Variants in NDUFA10 observed in about 807,000 individuals in gnomAD.
NDUFA10 encodes the protein NADH dehydrogenase [ubiquinone] 1 alpha subcomplex subunit 10, mitochondrial.
A neutral mutation model predicts 47.8 loss-of-function variants in NDUFA10; 40 were observed. That is an observed-to-expected ratio of 0.84 (90% CI 0.65 to 1.09). The LOEUF (loss-of-function observed/expected upper bound fraction) is 1.09, where lower values mean the gene tolerates loss of function less well. Among genes scored for constraint, NDUFA10 ranks in the 50% least tolerant of loss-of-function variants. The probability of loss-of-function intolerance (pLI) is 0.00; values close to 1 mark genes in which losing one functional copy is unlikely to be tolerated. For synonymous variants in NDUFA10, 183 were observed against 172.2 expected, an observed-to-expected ratio of 1.06 and a Z score of -0.49; for missense variants, 413 against 451.1, an observed-to-expected ratio of 0.92 and a Z score of 0.76.
In NDUFA10 at chr2:240,016,478, C is replaced by G. The variant is rs77231242; in HGVS notation, c.548-1618G>C. Among the ~76,000 whole-genome samples, 1 of 152,306 alleles carries G rather than the reference C, an allele frequency of 6.6e-6. No homozygotes were observed. The highest frequency in any genetic ancestry group is 1.5e-5 in the Non-Finnish European group (1 of 68,024). On this transcript the variant is annotated intron_variant, in intron 4 of 9. Coordinates refer to ENST00000252711, the MANE Select transcript of NDUFA10 (RefSeq NM_004544.4). This position sits in a 1 kb window ranked among gnomAD's most constrained non-coding sequence, Gnocchi z 4.4. ...TTTAGCCAACATGATCTGCTTTCCC[C>G]CAGCCCAGCACTCAAACGACTCTGG...
At chr2:239,899,036 A>C (rs151237464) in intron 4 of NDUFA10, among the ~76,000 whole-genome samples, 12 of 51,072 alleles carry the variant, frequency 2.3e-4, no homozygotes, top group South Asian at 9.8e-4. Context: ...AGGGGTGTAA[A>C]GGAGGGGTGT....
At chr2:239,915,464 ATACATACACACACACAG>A (rs1403048329) in intron 4 of NDUFA10, among the ~76,000 whole-genome samples, 15 of 146,870 alleles carry the variant, frequency 1.0e-4, no homozygotes, top group African/African-American at 3.8e-4. Flanking sequence ...AGAGATACAC[ATACATACACACACACAG>A]AACACACACA....
In NDUFA10 at chr2:239,961,104, AGAAGGCGGCCC is replaced by A; in HGVS notation, c.*3_*13del. ...GCCATCACTGTGATGCAGCTGGAGC[AGAAGGCGGCCC>A]GTTCACTTCAGCCAGATCCACTTGT... On this transcript the variant is annotated 3_prime_UTR_variant, in exon 10 of 10. Transcript: ENST00000252711. The A allele has an allele frequency of 6.2e-7, 1 of 1,614,142 alleles. No individual in the cohort carries two copies. Among genetic ancestry groups the A allele is most frequent in the Non-Finnish European group, 8.5e-7 (1 of 1,180,018 alleles).
rs1359503569 is a variant in NDUFA10, at chr2:239,914,517, AACAC to A, written c.295-19207_295-19204del. ...CAGAGATACACAAACATACACACAG[AACAC>A]ACACATACATACACAGACACACAAA... On this transcript the variant is annotated intron_variant, in intron 4 of 5. Coordinates refer to the NDUFA10 transcript ENST00000419408. Among the ~76,000 whole-genome samples the A allele has an allele frequency of 2.6e-5, 4 of 151,512 alleles. No individual in the cohort carries two copies. The East Asian group carries it at 5.8e-4, about 22-fold the overall frequency.
At chr2:239,952,257 A>G in intron 4 of NDUFA10, among the ~76,000 whole-genome samples, 1 of 24,078 alleles carries the variant, frequency 4.2e-5, no homozygotes, top group Admixed American at 6.0e-4. Flanking sequence ...GGGGGCTGGC[A>G]GGGTGGGGGC....
chr2:239,961,615 G>A (rs1384996770), intron 9 of NDUFA10, among the ~76,000 whole-genome samples: 3 of 152,196 alleles, frequency 2.0e-5, no homozygotes, highest in Non-Finnish European at 2.9e-5. Context: ...AAAGCCCCGC[G>A]TGAAATTCCC....
intron 4 of NDUFA10, among the ~76,000 whole-genome samples, chr2:239,897,692 C>A (rs1350433568): frequency 6.6e-6 from 1 of 152,214 alleles, no homozygotes; most frequent in Non-Finnish European, 1.5e-5. Flanking sequence ...TCCTCCTCCT[C>A]CTCTTCTTCT....
At chr2:240,007,270 G>T in intron 7 of NDUFA10, 46 bp downstream of exon 7, 1 of 1,391,886 alleles carries the variant, frequency 7.2e-7, no homozygotes, top group Non-Finnish European at 1.0e-6. Context: ...CCTTACACAT[G>T]AATCAAATGT....
chr2:239,930,868 G>C (rs1396711466), intron 4 of NDUFA10, among the ~76,000 whole-genome samples: 3 of 88,550 alleles, frequency 3.4e-5, no homozygotes, highest in African/African-American at 1.5e-4. Context: ...TGCCCAGGAG[G>C]GGGGGCAGGG....
intron 4 of NDUFA10, among the ~76,000 whole-genome samples, chr2:239,942,194 C>G (rs1353230970): frequency 6.6e-6 from 1 of 152,236 alleles, no homozygotes; most frequent in Non-Finnish European, 1.5e-5. Flanking sequence ...CCACGTTTAC[C>G]TTTACTTACT....
intron 8 of NDUFA10, among the ~76,000 whole-genome samples, chr2:240,000,881 C>G (rs926446675): frequency 6.6e-6 from 1 of 152,256 alleles, no homozygotes; most frequent in African/African-American, 2.4e-5. Flanking sequence ...ATAGCATCTA[C>G]GCTTGTGTAA....
In NDUFA10 at chr2:239,909,508, G is replaced by T. The variant is rs564505300; in HGVS notation, c.295-14194C>A. On this transcript the variant is annotated intron_variant, in intron 4 of 5. Coordinates refer to the NDUFA10 transcript ENST00000419408. ...TGTGCCTGTAATCCCAGCTACGCAGGAGGCTGAGGCAGGGGAATTGCTTGA... is the reference window on the plus strand; with the variant it reads ...TGTGCCTGTAATCCCAGCTACGCAGTAGGCTGAGGCAGGGGAATTGCTTGA... 2.6e-5 allele frequency among the ~76,000 whole-genome samples: 4 copies of T among 152,270 alleles called. No individual in the cohort carries two copies. The South Asian group carries it at 6.2e-4, about 24-fold the overall frequency.
intron 4 of NDUFA10, among the ~76,000 whole-genome samples, chr2:239,937,677 T>C (rs1225772328): frequency 1.3e-5 from 2 of 152,240 alleles, no homozygotes; most frequent in Admixed American, 6.5e-5. Context: ...TGTGAGGACA[T>C]GTGCGTTCAG....
intron 4 of NDUFA10, among the ~76,000 whole-genome samples, chr2:239,917,539 A>T (rs1346387714): frequency 6.6e-6 from 1 of 152,222 alleles, no homozygotes; most frequent in Non-Finnish European, 1.5e-5. Flanking sequence ...AAGGTCATGG[A>T]ATAAGCCATG....
intron 9 of NDUFA10, among the ~76,000 whole-genome samples, chr2:239,985,226 A>G (rs1234288770): frequency 6.6e-6 from 1 of 152,212 alleles, no homozygotes. Context: ...AGACACAGAT[A>G]CTGCAATTAT....
intron 7 of NDUFA10, 83 bp from the exon 8 acceptor site, chr2:240,005,378 C>A: frequency 8.9e-7 from 1 of 1,118,028 alleles, no homozygotes; most frequent in African/African-American, 1.5e-5. Context: ...AGACAGGGTC[C>A]GGCTCTATCA....
intron 6 of NDUFA10, 33 bp downstream of exon 6, chr2:240,011,584 T>C: frequency 6.4e-7 from 1 of 1,562,778 alleles, no homozygotes; most frequent in Non-Finnish European, 8.8e-7. Flanking sequence ...GAAGAAGTTT[T>C]AGCCCTGTAA....
intron 9 of NDUFA10, among the ~76,000 whole-genome samples, chr2:239,980,866 C>T (rs530971206): frequency 1.3e-5 from 2 of 152,312 alleles, no homozygotes; most frequent in South Asian, 4.1e-4. Context: ...AGGGCCACAC[C>T]TCAGTGCGGG....
chr2:239,934,835 C>A (rs568354468), intron 4 of NDUFA10, among the ~76,000 whole-genome samples: 208 of 152,326 alleles, frequency 1.4e-3, no homozygotes, highest in African/African-American at 4.9e-3. Context: ...CCTCCGCCCC[C>A]ACCCGTTTTC....
Sources: gnomAD v4.1 joint callset for allele counts (sites outside exome capture counted in the v4.1 genomes callset) on GRCh38, gnomAD v4.1.1 for gene constraint, Gnocchi (gnomAD v3.1) non-coding constraint, MANE v1.5 for transcripts, NCBI Gene and HGNC (gene_info 2026-07-23, HGNC 2026-07-21) for gene names.